Variants in GTPBP4 observed in about 807,000 individuals in gnomAD.
GTPBP4 encodes GTP binding protein 4.
In GTPBP4, 15 loss-of-function variants were observed where a neutral mutation model predicts 81.7. That is an observed-to-expected ratio of 0.18 (90% CI 0.12 to 0.28). The LOEUF (loss-of-function observed/expected upper bound fraction) is 0.28. GTPBP4 is among the 10% of genes least tolerant of loss of function. GTPBP4 has a pLI of 1.00. For synonymous variants in GTPBP4, 272 were observed against 274.6 expected, an observed-to-expected ratio of 0.99 and a Z score of 0.09; for missense variants, 847 against 793.8, an observed-to-expected ratio of 1.07 and a Z score of -0.81.
chr10:1,012,467 A>T lies in GTPBP4; in HGVS notation c.1347A>T (p.Lys449Asn). The part of the protein sequence containing the change: ...ADYIDPAIMK[K>N]LEELEKEEEL... ...TCATTACAACTCCATTTTTAAAGAA[A>T]TTGGAAGAATTAGAAAAAGAAGAAG... The change falls in exon 14 of 17, where the codon AAA becomes AAT. Residue 449 changes from lysine (K) to asparagine (N), a missense_variant and splice_region_variant. By Grantham distance (94) the Lys-to-Asn change is moderately conservative. Transcript: ENST00000360803. The T allele has an allele frequency of 3.1e-6, 5 of 1,593,772 alleles. No individual in the cohort carries two copies. Among genetic ancestry groups the T allele is most frequent in the Non-Finnish European group, 4.3e-6 (5 of 1,171,224 alleles).
In GTPBP4 at chr10:1,010,435, T is replaced by C; in HGVS notation, c.1259T>C (p.Met420Thr). The change falls in exon 13 of 17, where the codon ATG (methionine) becomes ACG (threonine). Residue 420 changes from methionine to threonine, a missense_variant. By Grantham distance (81) the Met-to-Thr change is moderately conservative. Transcript: ENST00000360803. ...ILDLQKYWDL[M>T]NLSEKHDKIP... Reference sequence around the variant, plus strand: ...TTAACTTTAGAGTACTGGGATTTAATGAATTTGTCTGAAAAACATGATAAG... The same window carrying C: ...TTAACTTTAGAGTACTGGGATTTAACGAATTTGTCTGAAAAACATGATAAG... 1 of 1,553,816 alleles carries C rather than the reference T, an allele frequency of 6.4e-7. No individual in the cohort carries two copies. The highest frequency in any genetic ancestry group is 8.9e-7 in the Non-Finnish European group (1 of 1,124,962).
chr10:1,017,396 T>C lies in GTPBP4; in HGVS notation c.*169T>C. The C allele has an allele frequency of 1.9e-6, 1 of 515,866 alleles. No individual in the cohort carries two copies. Among genetic ancestry groups the C allele is most frequent in the African/African-American group, 1.9e-5 (1 of 52,126 alleles). The allele number at this position is 515,866 out of a possible 1,614,324, so 32.0% of individuals were successfully genotyped here. ...GTTAACCCTATATAGGTGTGGGAAA[T>C]TTTTGTCACTGCATAATATTACAAA... On this transcript the variant is annotated 3_prime_UTR_variant, in exon 17 of 17. Transcript: ENST00000360803.
Position 1,000,845 on chromosome 10 carries a change from A to T in GTPBP4, c.823A>T (p.Ile275Phe). The change falls in exon 7 of 17, where the codon ATC becomes TTC. Residue 275 changes from isoleucine to phenylalanine, a missense_variant. Physicochemically the swap from Ile to Phe is conservative, Grantham distance 21 (BLOSUM62 0). Transcript: ENST00000360803. ...GGAGCAGCTAGAACTCTTCCAGAAC[A>T]TCAGACCTCTCTTCATCAACAAGGT... ...LREQLELFQN[I>F]RPLFINKPLI... 1 of 1,610,894 alleles carries T rather than the reference A, an allele frequency of 6.2e-7. No homozygotes were observed. Among genetic ancestry groups the T allele is most frequent in the Non-Finnish European group, 8.5e-7 (1 of 1,178,088 alleles).
intron 1 of GTPBP4, among the ~76,000 whole-genome samples, chr10:992,270 C>T (rs1325151580): frequency 6.6e-6 from 1 of 151,410 alleles, no homozygotes; most frequent in Non-Finnish European, 1.5e-5. Context: ...TGTGGTGGCA[C>T]GCGCCTGTAG....
At chr10:999,939 A>T (rs962923477) in intron 6 of GTPBP4, among the ~76,000 whole-genome samples, 1 of 152,244 alleles carries the variant, frequency 6.6e-6, no homozygotes, top group Admixed American at 6.5e-5. Context: ...AGCCTGGGCG[A>T]CAGGAGCGAA....
intron 8 of GTPBP4, among the ~76,000 whole-genome samples, chr10:1,001,305 G>A (rs1018684692): frequency 6.6e-6 from 1 of 152,256 alleles, no homozygotes; most frequent in African/African-American, 2.4e-5. Context: ...AACTGTTGGA[G>A]AAGGGTGCTC....
chr10:998,866 T>C, intron 5 of GTPBP4, 137 bp from the exon 6 acceptor site: 3 of 625,538 alleles, frequency 4.8e-6, no homozygotes, highest in Non-Finnish European at 8.8e-6. Context: ...GGTACCAGGC[T>C]CCTATTCGAT....
chr10:1,017,208 G>C lies in GTPBP4; in HGVS notation c.1886G>C (p.Gly629Ala). The change falls in exon 17 of 17, where the codon GGT (glycine) becomes GCT (alanine). Residue 629 changes from glycine (G) to alanine (A), a missense_variant. Around this residue, in one of 3 missense-constraint regions of GTPBP4, gnomAD observed 600 missense variants for 557.1 expected, o/e 1.08. Transcript: ENST00000360803. ...KHLLSGKRKA[G>A]KKDRR The stretch of plus-strand genomic sequence containing the variant: ...TTGCTGTCTGGGAAGAGGAAAGCTG[G>C]TAAAAAGGACAGGAGATAGTATCCG... The C allele has an allele frequency of 1.9e-6, 3 of 1,614,060 alleles. No individual in the cohort carries two copies. The highest frequency in any genetic ancestry group is 2.5e-6 in the Non-Finnish European group (3 of 1,179,964).
Position 1,005,870 on chromosome 10 carries a change from C to T in GTPBP4, c.965C>T (p.Thr322Ile), listed in dbSNP as rs1831720009. The change falls in exon 9 of 17, where the codon ACC (threonine) becomes ATC (isoleucine). Residue 322 changes from threonine (T) to isoleucine (I), a missense_variant. Around this residue, in one of 3 missense-constraint regions of GTPBP4, gnomAD observed 600 missense variants for 557.1 expected, o/e 1.08. Coordinates refer to ENST00000360803, the MANE Select transcript of GTPBP4 (RefSeq NM_012341.3). ...GGATTCCCTGTAATAGAGACCAGCA[C>T]CCTGACTGAGGAAGGTGTTATTAAA... is the stretch of plus-strand genomic sequence containing the variant. ...SEGFPVIETS[T>I]LTEEGVIKVK... The T allele has an allele frequency of 6.3e-7, 1 of 1,598,508 alleles. No homozygotes were observed. Among genetic ancestry groups the T allele is most frequent in the Non-Finnish European group, 8.5e-7 (1 of 1,170,418 alleles).
chr10:1,001,020 C>T lies in GTPBP4; in HGVS notation c.912+7C>T. 6.3e-7 allele frequency: 1 copy of T among 1,577,422 alleles called. No individual in the cohort carries two copies. Among genetic ancestry groups the T allele is most frequent in the Non-Finnish European group, 8.7e-7 (1 of 1,146,694 alleles). ...ACTTTCTGAAGATGATCAGGTAAATCACGTTAATATTTTGAATATTTCTTA... is the reference window on the plus strand; with the variant it reads ...ACTTTCTGAAGATGATCAGGTAAATTACGTTAATATTTTGAATATTTCTTA... On this transcript the variant is annotated splice_region_variant and intron_variant, in intron 8 of 16. Coordinates refer to ENST00000360803, the MANE Select transcript of GTPBP4 (RefSeq NM_012341.3).
At position 1,019,524 on chromosome 10, in the gene GTPBP4, C is replaced by G; in HGVS notation, c.*2297C>G. 6.2e-7 allele frequency: 1 copy of G among 1,612,104 alleles called. No individual in the cohort carries two copies. Among genetic ancestry groups the G allele is most frequent in the South Asian group, 1.1e-5 (1 of 90,930 alleles). The stretch of plus-strand genomic sequence containing the variant: ...ACTCGACCTCCCTGCCTCTCACACT[C>G]TGTGTATTTTGTGAAGCTCCACAAA... On this transcript the variant is annotated 3_prime_UTR_variant, in exon 17 of 17. Transcript: ENST00000360803.
Position 1,018,399 on chromosome 10 carries a change from G to T in GTPBP4, c.*1172G>T, listed in dbSNP as rs1346156025. ...AGATCGTGCCACTGCACTCCAGCCT[G>T]GGTGACAGAGAGAGACTCCGTGTGA... On this transcript the variant is annotated 3_prime_UTR_variant, in exon 17 of 17. Transcript: ENST00000360803. The T allele has an allele frequency of 6.6e-6, 1 of 151,346 alleles. No individual in the cohort carries two copies. The highest frequency in any genetic ancestry group is 6.6e-5 in the Admixed American group (1 of 15,198). The allele number at this position is 151,346 out of a possible 1,614,324, so 9.4% of individuals were successfully genotyped here.
chr10:1,014,492 TA>T (rs554266314), intron 15 of GTPBP4, among the ~76,000 whole-genome samples, 180 bp downstream of exon 15: 23 of 150,868 alleles, frequency 1.5e-4, no homozygotes, highest in Non-Finnish European at 2.7e-4. Context: ...CAGTCTGTAC[TA>T]AAAAAAATAC....
At chr10:992,997 C>A (rs1831472835) in intron 2 of GTPBP4, among the ~76,000 whole-genome samples, 1 of 152,184 alleles carries the variant, frequency 6.6e-6, no homozygotes, top group Non-Finnish European at 1.5e-5. Context: ...AAGCTAGCAG[C>A]TCACTGGTTG....
rs536136685 is a variant in GTPBP4 at position 989,823 on chromosome 10, G to T, written c.48+1296G>T. ...TGGTGTGATCCTGACTGCAGCCACC[G>T]CCTCCCAGGTTCAAGTGATTTTCCT... On this transcript the variant is annotated intron_variant, in intron 1 of 16. Coordinates refer to ENST00000360803, the MANE Select transcript of GTPBP4 (RefSeq NM_012341.3). 5.3e-5 allele frequency among the ~76,000 whole-genome samples: 8 copies of T among 152,192 alleles called. No homozygotes were observed. In the South Asian group the frequency reaches 1.5e-3, roughly 28 times the overall value.
At chr10:1,007,793 G>A in intron 10 of GTPBP4, 1 of 456,266 alleles carries the variant, frequency 2.2e-6, no homozygotes, top group Non-Finnish European at 4.3e-6. Flanking sequence ...GTCGGGCACT[G>A]ACTGTCAGTC....
Position 1,015,892 on chromosome 10 carries a change from T to C in GTPBP4, c.1748T>C (p.Val583Ala). The C allele has an allele frequency of 6.2e-7, 1 of 1,611,364 alleles. No homozygotes were observed. Reference protein sequence around the residue: ...TPRDVSGLRDVKMVKKAKTMM... With the variant: ...TPRDVSGLRDAKMVKKAKTMM... ...CGTGACGTTTCTGGTCTTAGGGATGTCAAGGTCAGTCTCTGTGTTGTGTAA... is the reference window on the plus strand; with the variant it reads ...CGTGACGTTTCTGGTCTTAGGGATGCCAAGGTCAGTCTCTGTGTTGTGTAA... Residue 583 changes from valine (V) to alanine (A), a missense_variant, in exon 16 of 17, where the codon GTC becomes GCC. By Grantham distance (64) the Val-to-Ala change is moderately conservative. Around this residue, in one of 3 missense-constraint regions of GTPBP4, gnomAD observed 600 missense variants for 557.1 expected, o/e 1.08. Transcript: ENST00000360803.
chr10:1,009,842 A>G (rs1831816889), intron 12 of GTPBP4, among the ~76,000 whole-genome samples: 1 of 152,198 alleles, frequency 6.6e-6, no homozygotes. Context: ...AAAAAATACA[A>G]AGATTAGCCG....
chr10:1,008,067 G>T (rs11253565), intron 10 of GTPBP4: 38,873 of 457,612 alleles, frequency 0.085, 2,095 homozygotes, highest in South Asian at 0.12. Flanking sequence ...TGGGTGTTCA[G>T]GTTTGCATTG....
Sources: gnomAD v4.1 joint callset for allele counts (sites outside exome capture counted in the v4.1 genomes callset) on GRCh38, gnomAD v4.1.1 for gene constraint, gnomAD v4.1.1 regional missense constraint, MANE v1.5 for transcripts, NCBI Gene and HGNC (gene_info 2026-07-23, HGNC 2026-07-21) for gene names.